Variants in DCLK2 observed in about 807,000 individuals in gnomAD.
DCLK2 encodes doublecortin like kinase 2, also known as serine/threonine-protein kinase DCLK2.
In DCLK2, 31 loss-of-function variants were observed where a neutral mutation model predicts 78.4. The ratio of observed to expected loss-of-function variants is 0.40; its 90% confidence interval spans 0.30 to 0.53. The LOEUF (loss-of-function observed/expected upper bound fraction) is 0.53. Among genes scored for constraint, DCLK2 ranks in the 20% least tolerant of loss-of-function variants. DCLK2 has a pLI of 0.61. For missense variants in DCLK2, 872 were observed against 973.7 expected (o/e 0.90, Z 1.39); for synonymous variants, 407 against 374.9 (o/e 1.09, Z -0.99).
chr4:150,156,074 C>T (rs1735249285), intron 2 of DCLK2, among the ~76,000 whole-genome samples: 1 of 151,982 alleles, frequency 6.6e-6, no homozygotes, highest in East Asian at 1.9e-4. Flanking sequence ...TTCTGCCAAG[C>T]GGTCGTTGTA....
chr4:150,234,780 A>G (rs768178516), intron 10 of DCLK2, among the ~76,000 whole-genome samples: 7 of 150,448 alleles, frequency 4.7e-5, no homozygotes, highest in Non-Finnish European at 8.9e-5. Flanking sequence ...GGGATTGTGG[A>G]CGTGGTTTTA....
chr4:150,256,302 C>A lies in DCLK2; in HGVS notation c.*55C>A. On this transcript the variant is annotated 3_prime_UTR_variant, in exon 16 of 16. Coordinates refer to ENST00000296550, the MANE Select transcript of DCLK2 (RefSeq NM_001040260.4). Reference sequence around the variant, plus strand: ...TGCAGCCCAGGAAGCCAGCCCTCTGCTCGGCCTCGCCGGCCTCCCTGCTGC... The same window carrying A: ...TGCAGCCCAGGAAGCCAGCCCTCTGATCGGCCTCGCCGGCCTCCCTGCTGC... The A allele has an allele frequency of 1.4e-6, 2 of 1,449,964 alleles. No individual in the cohort carries two copies. The highest frequency in any genetic ancestry group is 1.8e-6 in the Non-Finnish European group (2 of 1,105,132). 89.8% of individuals were successfully genotyped at this position (1,449,964 alleles called of 1,614,324 possible).
chr4:150,104,769 T>G (rs1175952909), intron 2 of DCLK2, among the ~76,000 whole-genome samples: 1 of 130,070 alleles, frequency 7.7e-6, no homozygotes, highest in African/African-American at 2.8e-5. Context: ...TTTTTTAAAA[T>G]TACACTAAAA....
chr4:150,193,246 G>GCAATTCTTC lies in DCLK2; in HGVS notation c.859+7_859+15dup, dbSNP rs756509106. 2.6e-6 allele frequency: 4 copies of GCAATTCTTC among 1,566,004 alleles called. No homozygotes were observed. In the South Asian group the frequency reaches 4.6e-5, roughly 18 times the overall value. ...CTTTGTCCTGGATCATAGTGGTAAGGCAATTCTTCAGCTAATTCATTTTTC... is the reference window on the plus strand; with the variant it reads ...CTTTGTCCTGGATCATAGTGGTAAGGCAATTCTTCCAATTCTTCAGCTAATTCATTTTTC... On this transcript the variant is annotated splice_region_variant and intron_variant, in intron 3 of 15. Transcript: ENST00000296550.
At chr4:150,240,573 A>T in intron 12 of DCLK2, 97 bp downstream of exon 12, 1 of 760,256 alleles carries the variant, frequency 1.3e-6, no homozygotes, top group Non-Finnish European at 1.9e-6. Flanking sequence ...CTGTTTGGTC[A>T]TTAAAAATGC....
chr4:150,193,819 C>G (rs1421188729), intron 3 of DCLK2, among the ~76,000 whole-genome samples: 3 of 152,042 alleles, frequency 2.0e-5, no homozygotes, highest in Non-Finnish European at 4.4e-5. Flanking sequence ...ACGATCACAG[C>G]TCACTGCAGC....
intron 4 of DCLK2, among the ~76,000 whole-genome samples, chr4:150,202,213 T>G (rs1359852580): frequency 6.6e-6 from 1 of 152,228 alleles, no homozygotes; most frequent in Non-Finnish European, 1.5e-5. Flanking sequence ...AAGAAGTTTT[T>G]TTAGAAGAAA....
At chr4:150,191,209 A>G (rs142403828) in intron 2 of DCLK2, among the ~76,000 whole-genome samples, 257 of 152,224 alleles carry the variant, frequency 1.7e-3, no homozygotes, top group African/African-American at 5.9e-3. Context: ...TGAACAGAAG[A>G]CATGGCAAAG....
At position 150,079,254 on chromosome 4, in the gene DCLK2, T is replaced by C. The variant is rs754396915; in HGVS notation, c.227T>C (p.Phe76Ser). 6.2e-7 allele frequency: 1 copy of C among 1,607,576 alleles called. No homozygotes were observed. Among genetic ancestry groups the C allele is most frequent in the Admixed American group, 1.7e-5 (1 of 59,272 alleles). The change falls in exon 1 of 16, where the codon TTC (phenylalanine) becomes TCC (serine). Residue 76 changes from phenylalanine (F) to serine (S), a missense_variant. Phe to Ser is a radical substitution (Grantham distance 155, BLOSUM62 -2). Around this residue, in one of 3 missense-constraint regions of DCLK2, gnomAD observed 567 missense variants for 593.4 expected, o/e 0.96. Transcript: ENST00000296550. ...SSEKKAKKAR[F>S]YRNGDRYFKG... ...GAGAAGAAGGCCAAGAAGGCGCGCT[T>C]CTACCGGAACGGGGACCGCTACTTC...
intron 2 of DCLK2, among the ~76,000 whole-genome samples, chr4:150,125,714 A>T (rs1310169723): frequency 2.0e-5 from 3 of 152,016 alleles, no homozygotes; most frequent in Non-Finnish European, 4.4e-5. Context: ...ACGTGGTGAA[A>T]CCCCATCTCT....
chr4:150,176,515 T>G (rs1412785990), intron 2 of DCLK2, among the ~76,000 whole-genome samples: 1 of 152,204 alleles, frequency 6.6e-6, no homozygotes, highest in African/African-American at 2.4e-5. Flanking sequence ...AAGGGTGACT[T>G]CTGTTCATAA....
intron 2 of DCLK2, among the ~76,000 whole-genome samples, chr4:150,105,739 C>T (rs1379714982): frequency 6.6e-6 from 1 of 151,974 alleles, no homozygotes; most frequent in East Asian, 1.9e-4. Flanking sequence ...TTCATATGTA[C>T]TGGCCATTGA....
At chr4:150,179,638 G>A (rs1285894122) in intron 2 of DCLK2, among the ~76,000 whole-genome samples, 1 of 152,026 alleles carries the variant, frequency 6.6e-6, no homozygotes, top group Admixed American at 6.6e-5. Context: ...GAAAAATGCT[G>A]CAGGTTTTGC....
chr4:150,126,232 T>C (rs1580550466), intron 2 of DCLK2, among the ~76,000 whole-genome samples: 2 of 152,340 alleles, frequency 1.3e-5, no homozygotes, highest in East Asian at 3.9e-4. Context: ...AATAATTAAT[T>C]CATTCAGCTA....
At chr4:150,230,966 C>G (rs1000874525) in intron 8 of DCLK2, among the ~76,000 whole-genome samples, 3 of 152,314 alleles carry the variant, frequency 2.0e-5, no homozygotes, top group African/African-American at 7.2e-5. Flanking sequence ...TTGCACAAAC[C>G]CTGGTGTGAT....
intron 3 of DCLK2, among the ~76,000 whole-genome samples, chr4:150,193,643 A>G (rs1181041386): frequency 6.6e-6 from 1 of 152,198 alleles, no homozygotes; most frequent in Non-Finnish European, 1.5e-5. Context: ...TGTGATGTGT[A>G]TGCATAAGGA....
intron 2 of DCLK2, among the ~76,000 whole-genome samples, chr4:150,129,071 T>C (rs1440907833): frequency 6.6e-6 from 1 of 152,146 alleles, no homozygotes; most frequent in East Asian, 1.9e-4. Flanking sequence ...CTATTCATTA[T>C]CTGTGTCTGT....
At chr4:150,246,637 G>A (rs1743332151) in intron 12 of DCLK2, among the ~76,000 whole-genome samples, 1 of 151,232 alleles carries the variant, frequency 6.6e-6, no homozygotes, top group Admixed American at 6.6e-5. Flanking sequence ...TGGAAAACTA[G>A]TGATGCTGTT....
chr4:150,114,909 C>A (rs1020354996), intron 2 of DCLK2, among the ~76,000 whole-genome samples: 9 of 152,178 alleles, frequency 5.9e-5, no homozygotes, highest in African/African-American at 2.2e-4. Context: ...GTTCTTTGAG[C>A]TTCTTGTATT....
Sources: gnomAD v4.1 joint callset for allele counts (sites outside exome capture counted in the v4.1 genomes callset) on GRCh38, gnomAD v4.1.1 for gene constraint, gnomAD v4.1.1 regional missense constraint, MANE v1.5 for transcripts, NCBI Gene and HGNC (gene_info 2026-07-23, HGNC 2026-07-21) for gene names.